Variants in ZNF618 observed in about 807,000 individuals in gnomAD.
ZNF618 encodes zinc finger protein 618.
Under a neutral mutation model 103.0 loss-of-function variants are expected in ZNF618, and 34 were observed. The ratio of observed to expected loss-of-function variants is 0.33; its 90% CI spans 0.25 to 0.44. The LOEUF (loss-of-function observed/expected upper bound fraction) is 0.44, where lower values mean the gene tolerates loss of function less well. Among genes scored for constraint, ZNF618 ranks in the 20% least tolerant of loss-of-function variants. The pLI is 1.00. For synonymous variants in ZNF618, 551 were observed against 542.2 expected, an observed-to-expected ratio of 1.02 and a Z score of -0.23; for missense variants, 1,059 against 1,295.4, an observed-to-expected ratio of 0.82 and a Z score of 2.80.
Position 114,047,978 on chromosome 9 carries a change from G to T in ZNF618, c.1332G>T (p.Arg444Ser). ...VEEKWKPQAQRNSANNTTTSG... is the reference protein window; with the variant it reads ...VEEKWKPQAQSNSANNTTTSG... ...AGAAGTGGAAACCTCAGGCCCAGAG[G>T]AACAGTGCCAATAACAGTAGGTCTC... Residue 444 changes from arginine to serine, a missense_variant, in exon 14 of 15, where the codon AGG becomes AGT. This residue lies in a region of ZNF618 where 434 missense variants were observed against 476.0 expected (regional missense o/e 0.91). Transcript: ENST00000374126. 6.3e-7 allele frequency: 1 copy of T among 1,589,848 alleles called. No individual in the cohort carries two copies. The highest frequency in any genetic ancestry group is 8.6e-7 in the Non-Finnish European group (1 of 1,168,130).
chr9:113,943,351 G>C (rs971734439), intron 1 of ZNF618, among the ~76,000 whole-genome samples: 2 of 152,166 alleles, frequency 1.3e-5, no homozygotes, highest in Non-Finnish European at 2.9e-5. Context: ...GGGGGAGAGA[G>C]GGAAGAGAAG....
chr9:113,921,344 A>G (rs762263527), intron 1 of ZNF618, among the ~76,000 whole-genome samples: 2 of 152,256 alleles, frequency 1.3e-5, no homozygotes, highest in African/African-American at 2.4e-5. Flanking sequence ...GTCCCAGGGT[A>G]GCATTTGTTG....
intron 1 of ZNF618, among the ~76,000 whole-genome samples, chr9:113,949,889 C>T (rs915718887): frequency 6.6e-6 from 1 of 152,224 alleles, no homozygotes; most frequent in Non-Finnish European, 1.5e-5. Flanking sequence ...CCCAGCCAGG[C>T]GAGGGAGTTG....
intron 1 of ZNF618, among the ~76,000 whole-genome samples, chr9:113,940,817 C>T (rs1834478454): frequency 6.6e-6 from 1 of 152,156 alleles, no homozygotes; most frequent in Admixed American, 6.6e-5. Context: ...TTTAGCCTTT[C>T]TGACTCTTTT....
chr9:114,017,384 G>GAA (rs1416011607), intron 10 of ZNF618, among the ~76,000 whole-genome samples: 1 of 152,116 alleles, frequency 6.6e-6, no homozygotes, highest in African/African-American at 2.4e-5. Context: ...ACTGGGAAAG[G>GAA]AAGGGGCTCT....
intron 1 of ZNF618, among the ~76,000 whole-genome samples, chr9:113,884,209 C>T (rs995192730): frequency 3.3e-5 from 5 of 152,192 alleles, no homozygotes; most frequent in Middle Eastern, 3.4e-3. Flanking sequence ...TGAGCTGGCC[C>T]GACAACAGCG....
intron 3 of ZNF618, among the ~76,000 whole-genome samples, chr9:113,994,021 G>T (rs1840326625): frequency 6.6e-6 from 1 of 152,208 alleles, no homozygotes. Context: ...TGGACAAAGT[G>T]CAGGAGCGGG....
chr9:113,944,987 C>T (rs1834884356), intron 1 of ZNF618, among the ~76,000 whole-genome samples: 3 of 152,224 alleles, frequency 2.0e-5, no homozygotes, highest in South Asian at 4.2e-4. Flanking sequence ...GTGCAGGCCA[C>T]CTGTGAACCT....
At chr9:113,897,646 C>T (rs1466986133) in intron 1 of ZNF618, among the ~76,000 whole-genome samples, 1 of 152,100 alleles carries the variant, frequency 6.6e-6, no homozygotes, top group East Asian at 1.9e-4. Context: ...CCGTAATTAT[C>T]TTTACTTTTG....
intron 1 of ZNF618, among the ~76,000 whole-genome samples, chr9:113,885,941 A>G (rs867995207): frequency 6.6e-6 from 1 of 152,190 alleles, no homozygotes; most frequent in Admixed American, 6.5e-5. Flanking sequence ...GAGTCAGGTG[A>G]TGCTTGGCCC....
In ZNF618 at chr9:113,988,590, C is replaced by T. The variant is rs775381447; in HGVS notation, c.337+10C>T. The T allele has an allele frequency of 1.9e-6, 3 of 1,599,262 alleles. No individual in the cohort carries two copies. The East Asian group carries it at 6.7e-5, about 36-fold the overall frequency. ...AACCAGCAGACCCTTGGTGAGTGCCCAGCGTCTGTGGTCAGGGTGGAGACC... is the reference window on the plus strand; with the variant it reads ...AACCAGCAGACCCTTGGTGAGTGCCTAGCGTCTGTGGTCAGGGTGGAGACC... On this transcript the variant is annotated intron_variant, in intron 3 of 14. Coordinates refer to ENST00000374126, the MANE Select transcript of ZNF618 (RefSeq NM_001318042.2).
At chr9:114,007,296 C>A in intron 6 of ZNF618, 54 bp from the exon 7 acceptor site, 1 of 1,538,600 alleles carries the variant, frequency 6.5e-7, no homozygotes, top group East Asian at 2.3e-5. Flanking sequence ...AGAAAAACCC[C>A]ACCCCACAAG....
chr9:114,047,977 G>A lies in ZNF618; in HGVS notation c.1331G>A (p.Arg444Lys). Residue 444 changes from arginine to lysine, a missense_variant, in exon 14 of 15, where the codon AGG becomes AAG. Physicochemically the swap from Arg to Lys is conservative, Grantham distance 26 (BLOSUM62 2). Coordinates refer to ENST00000374126, the MANE Select transcript of ZNF618 (RefSeq NM_001318042.2). The stretch of plus-strand genomic sequence containing the variant: ...GAGAAGTGGAAACCTCAGGCCCAGA[G>A]GAACAGTGCCAATAACAGTAGGTCT... The part of the protein sequence containing the change: ...VEEKWKPQAQ[R>K]NSANNTTTSG... 3 of 1,590,344 alleles carry A rather than the reference G, an allele frequency of 1.9e-6. No individual in the cohort carries two copies. The South Asian group carries it at 3.5e-5, about 18-fold the overall frequency.
chr9:114,049,374 C>T lies in ZNF618; in HGVS notation c.2072C>T (p.Pro691Leu). ...GGGTCGCTGGAGGAGACGTCTCCAC[C>T]ACCCTGCTGGAACTCGGTGACGGAC... is the stretch of plus-strand genomic sequence containing the variant. ...TFGSLEETSP[P>L]PCWNSVTDSL... is the part of the protein sequence containing the mutation. Residue 691 changes from proline (P) to leucine (L), a missense_variant, in exon 15 of 15, where the codon CCA becomes CTA. By Grantham distance (98) the Pro-to-Leu change is moderately conservative. Coordinates refer to ENST00000374126, the MANE Select transcript of ZNF618 (RefSeq NM_001318042.2). 2 of 1,606,612 alleles carry T rather than the reference C, an allele frequency of 1.2e-6. No homozygotes were observed. Among genetic ancestry groups the T allele is most frequent in the Non-Finnish European group, 1.7e-6 (2 of 1,176,920 alleles).
intron 10 of ZNF618, among the ~76,000 whole-genome samples, chr9:114,022,538 A>G (rs920358889): frequency 7.1e-6 from 1 of 140,840 alleles, no homozygotes; most frequent in Non-Finnish European, 1.5e-5. Flanking sequence ...TTCAAAATTC[A>G]TTGAGATAAG....
intron 1 of ZNF618, among the ~76,000 whole-genome samples, chr9:113,925,092 G>C (rs1181165459): frequency 6.6e-6 from 1 of 151,960 alleles, no homozygotes; most frequent in Non-Finnish European, 1.5e-5. Flanking sequence ...TCTACTTGCT[G>C]GATCTGTCAG....
intron 1 of ZNF618, among the ~76,000 whole-genome samples, chr9:113,909,531 A>T (rs2131403552): frequency 6.6e-6 from 1 of 152,250 alleles, no homozygotes; most frequent in East Asian, 1.9e-4. Context: ...TTGGGGTGTC[A>T]TGTGATGCCC....
intron 10 of ZNF618, among the ~76,000 whole-genome samples, chr9:114,023,600 TATC>T (rs1328232799): frequency 2.0e-5 from 3 of 152,176 alleles, no homozygotes; most frequent in Non-Finnish European, 4.4e-5. Context: ...TTCCATCAAT[TATC>T]ATTTTCTTTA....
intron 2 of ZNF618, 60 bp downstream of exon 2, chr9:113,969,220 C>G: frequency 6.3e-7 from 1 of 1,595,102 alleles, no homozygotes. Context: ...TCATGACTAA[C>G]AGTTACCACT....
Sources: allele counts gnomAD v4.1 joint callset (sites outside exome capture counted in the v4.1 genomes callset), GRCh38; gene constraint gnomAD v4.1.1; regional missense constraint gnomAD v4.1.1; transcripts MANE v1.5; gene names NCBI Gene and HGNC (gene_info 2026-07-23, HGNC 2026-07-21).